The following AVEN variants were observed in gnomAD, a reference collection of about 807,000 sequenced individuals.
AVEN encodes cell death regulator Aven.
AVEN carries 41 observed loss-of-function variants against 38.1 expected under a neutral mutation model. The observed-to-expected ratio is 1.08, with a 90% CI of 0.84 to 1.40. The LOEUF (loss-of-function observed/expected upper bound fraction) is 1.40. AVEN is among the 40% of genes most tolerant of loss of function. The pLI, the probability that AVEN is intolerant of heterozygous loss-of-function variation, is 0.00. For synonymous variants in AVEN, 206 were observed against 171.8 expected, an observed-to-expected ratio of 1.20 and a Z score of -1.56; for missense variants, 605 against 438.8, an observed-to-expected ratio of 1.38 and a Z score of -3.38.
rs116801843 is a variant in AVEN, at chr15:34,061,416, G to A, written n.1637+1506C>T. ...GATGTACTGATAAAAAGCTGTCTGT[G>A]ATAATTCATTTGTTAAGTAAAAAAC... On this transcript the variant is annotated intron_variant and non_coding_transcript_variant, in intron 5 of 11. Coordinates refer to the AVEN transcript ENST00000675287. Among the ~76,000 whole-genome samples the A allele has an allele frequency of 5.8e-3, 878 of 152,192 alleles. 6 individuals are homozygous for A. The highest frequency in any genetic ancestry group is 0.019 in the African/African-American group (799 of 41,538).
At chr15:33,962,185 GA>G (rs1895214959) in intron 2 of AVEN, among the ~76,000 whole-genome samples, 1 of 151,938 alleles carries the variant, frequency 6.6e-6, no homozygotes, top group African/African-American at 2.4e-5. Context: ...AGGAATGGGG[GA>G]AAAAAGGACC....
chr15:34,060,209 G>A (rs1900289346), intron 5 of AVEN, among the ~76,000 whole-genome samples: 1 of 152,088 alleles, frequency 6.6e-6, no homozygotes, highest in Admixed American at 6.6e-5. Flanking sequence ...ATAACACCGA[G>A]GTATTATAGG....
chr15:34,059,360 T>C (rs1218059032), intron 5 of AVEN, among the ~76,000 whole-genome samples: 2 of 152,228 alleles, frequency 1.3e-5, no homozygotes, highest in Non-Finnish European at 2.9e-5. Flanking sequence ...AAACACCATG[T>C]ATTCCTATTT....
upstream of AVEN, among the ~76,000 whole-genome samples, chr15:34,040,053 C>T (rs566818865): frequency 1.6e-3 from 239 of 152,322 alleles, no homozygotes; most frequent in Non-Finnish European, 2.8e-4. Flanking sequence ...GTGTTTTCTT[C>T]CCCCTCAGTA....
At chr15:33,903,141 C>T (rs1892555660) in intron 2 of AVEN, among the ~76,000 whole-genome samples, 1 of 152,320 alleles carries the variant, frequency 6.6e-6, no homozygotes. Context: ...CCACATTGAT[C>T]ATAAATACTC....
upstream of AVEN, among the ~76,000 whole-genome samples, chr15:34,039,431 A>G (rs1292843280): frequency 6.6e-6 from 1 of 152,152 alleles, no homozygotes; most frequent in African/African-American, 2.4e-5. Flanking sequence ...GTTTAAACGT[A>G]TGTATTTGCA....
At chr15:33,961,327 C>G (rs189749627) in intron 2 of AVEN, among the ~76,000 whole-genome samples, 2 of 152,196 alleles carry the variant, frequency 1.3e-5, no homozygotes, top group Admixed American at 1.3e-4. Context: ...TATTTCATTT[C>G]TCATTATGCA....
chr15:34,003,465 T>C (rs1000114881), intron 1 of AVEN, among the ~76,000 whole-genome samples: 2 of 152,220 alleles, frequency 1.3e-5, no homozygotes, highest in African/African-American at 2.4e-5. Flanking sequence ...CTAAAATTTA[T>C]CCCTATGTAT....
intron 1 of AVEN, among the ~76,000 whole-genome samples, chr15:34,035,168 G>A (rs1453197546): frequency 6.6e-6 from 1 of 152,164 alleles, no homozygotes; most frequent in African/African-American, 2.4e-5. Context: ...CAAAGCAAAA[G>A]TTTGATCAGA....
intron 2 of AVEN, among the ~76,000 whole-genome samples, chr15:33,934,829 G>C (rs1893998972): frequency 1.3e-5 from 2 of 152,160 alleles, no homozygotes; most frequent in Non-Finnish European, 2.9e-5. Flanking sequence ...CCAATTGTGT[G>C]ACCTTGAGGA....
chr15:33,861,610 C>T (rs780100478), downstream of AVEN, among the ~76,000 whole-genome samples: 1 of 151,894 alleles, frequency 6.6e-6, no homozygotes, highest in Non-Finnish European at 1.5e-5. Flanking sequence ...TTCAATTTTT[C>T]TCTTTTCATT....
At chr15:34,065,158 T>G (rs1281312280) in intron 4 of AVEN, 1 of 156,302 alleles carries the variant, frequency 6.4e-6, no homozygotes, top group African/African-American at 2.4e-5. Context: ...TGCATTCTAT[T>G]TTGTGCCCAT....
At chr15:33,894,665 G>T (rs7495549) in intron 2 of AVEN, among the ~76,000 whole-genome samples, 1 of 99,482 alleles carries the variant, frequency 1.0e-5, no homozygotes, top group African/African-American at 5.5e-5. Context: ...AAAAAATTAG[G>T]TGGGCATGGC....
intron 1 of AVEN, among the ~76,000 whole-genome samples, chr15:34,008,831 G>A (rs1286569434): frequency 6.6e-6 from 1 of 152,096 alleles, no homozygotes; most frequent in Non-Finnish European, 1.5e-5. Flanking sequence ...TGAACTTCTA[G>A]TGTATATGCA....
At chr15:34,049,524 T>A (rs1899852110) in intron 5 of AVEN, among the ~76,000 whole-genome samples, 1 of 151,852 alleles carries the variant, frequency 6.6e-6, no homozygotes, top group Admixed American at 6.6e-5. Flanking sequence ...ATGAAAAGGA[T>A]CATGGGATTA....
At chr15:33,957,749 G>A (rs977766221) in intron 2 of AVEN, among the ~76,000 whole-genome samples, 6 of 151,228 alleles carry the variant, frequency 4.0e-5, no homozygotes, top group South Asian at 2.1e-4. Flanking sequence ...AGACATAAGC[G>A]AATACTGAAT....
At position 33,889,637 on chromosome 15, in the gene AVEN, GTTTTC is replaced by G. The variant is rs1891851278; in HGVS notation, c.446-13647_446-13643del. ...CCAACTTGCCTTCTCATCTCATTAGGTTTTCTTTTATTTTTAGTTTTGAAAAACAG... is the reference window on the plus strand; with the variant it reads ...CCAACTTGCCTTCTCATCTCATTAGGTTTTATTTTTAGTTTTGAAAAACAG... On this transcript the variant is annotated intron_variant, in intron 2 of 5. Transcript: ENST00000306730. Among the ~76,000 whole-genome samples the G allele has an allele frequency of 3.3e-5, 5 of 152,178 alleles. No homozygotes were observed. In the South Asian group the frequency reaches 6.2e-4, roughly 19 times the overall value.
upstream of AVEN, among the ~76,000 whole-genome samples, chr15:34,041,481 A>G (rs537963223): frequency 2.2e-4 from 33 of 152,316 alleles, no homozygotes; most frequent in African/African-American, 7.9e-4. Flanking sequence ...TTAAGGAACT[A>G]TATAACTATC....
At chr15:33,965,328 G>GA (rs1163592825) in intron 2 of AVEN, among the ~76,000 whole-genome samples, 2 of 152,002 alleles carry the variant, frequency 1.3e-5, no homozygotes, top group African/African-American at 2.4e-5. Flanking sequence ...TTTATTAACT[G>GA]AAAAATAATC....
Sources: gnomAD v4.1 joint callset for allele counts (sites outside exome capture counted in the v4.1 genomes callset) on GRCh38, gnomAD v4.1.1 for gene constraint, MANE v1.5 for transcripts, NCBI Gene and HGNC (gene_info 2026-07-23, HGNC 2026-07-21) for gene names.